MOV10: variants seen among roughly 807,000 people sequenced by gnomAD.
MOV10 encodes the protein RNA helicase MOV-10.
A neutral mutation model predicts 108.4 loss-of-function variants in MOV10; 39 were observed. The observed-to-expected ratio is 0.36, with a 90% CI of 0.28 to 0.47. MOV10 has a LOEUF of 0.47. Among genes scored for constraint, MOV10 ranks in the 20% least tolerant of loss-of-function variants. The probability of loss-of-function intolerance (pLI) is 1.00; values close to 1 mark genes in which losing one functional copy is unlikely to be tolerated. For missense variants in MOV10, 952 were observed against 1,297.6 expected, an observed-to-expected ratio of 0.73 and a Z score of 4.09; for synonymous variants, 490 against 523.1, an observed-to-expected ratio of 0.94 and a Z score of 0.86.
At chr1:112,688,611 A>C in intron 2 of MOV10, 1 of 1,230,804 alleles carries the variant, frequency 8.1e-7, no homozygotes, top group Non-Finnish European at 1.0e-6. Flanking sequence ...CCACAAAAAG[A>C]ACTTTATGTC....
intron 17 of MOV10, 126 bp downstream of exon 17, chr1:112,698,915 T>C (rs957237698): frequency 1.2e-6 from 1 of 800,926 alleles, no homozygotes; most frequent in Non-Finnish European, 2.2e-6. Context: ...TGAATAGAGC[T>C]CGAGCTCTCC....
intron 17 of MOV10, chr1:112,699,431 C>G: frequency 7.5e-7 from 1 of 1,333,534 alleles, no homozygotes; most frequent in Non-Finnish European, 9.6e-7. Context: ...TTCCCGTGTT[C>G]TTTGCAATGC....
chr1:112,674,604 G>T, upstream of MOV10: 2 of 248,984 alleles, frequency 8.0e-6, no homozygotes, highest in Middle Eastern at 1.3e-3. Flanking sequence ...TCTGATACTG[G>T]CTAGAAGCCA....
chr1:112,691,648 T>G lies in MOV10; in HGVS notation c.837-17T>G. 1 of 1,610,118 alleles carries G rather than the reference T, an allele frequency of 6.2e-7. No individual in the cohort carries two copies. The highest frequency in any genetic ancestry group is 8.5e-7 in the Non-Finnish European group (1 of 1,177,034). ...AGGGTGAGGGGTTTTCTGTGTTTTCTTCCCTCGATTCTGCAGCGCTAAGGG... is the reference window on the plus strand; with the variant it reads ...AGGGTGAGGGGTTTTCTGTGTTTTCGTCCCTCGATTCTGCAGCGCTAAGGG... On this transcript the variant is annotated splice_polypyrimidine_tract_variant and intron_variant, in intron 5 of 20. Coordinates refer to ENST00000369645, the MANE Select transcript of MOV10 (RefSeq NM_001321324.2).
intron 2 of MOV10, among the ~76,000 whole-genome samples, chr1:112,687,914 C>G (rs952414624): frequency 3.9e-5 from 6 of 152,318 alleles, no homozygotes; most frequent in African/African-American, 1.4e-4. Flanking sequence ...CTGCCCCTCC[C>G]TGCACATGTT....
At chr1:112,691,604 G>A (rs905768811) in intron 5 of MOV10, 61 bp from the exon 6 acceptor site, 58 of 1,579,838 alleles carry the variant, frequency 3.7e-5, no homozygotes, top group Non-Finnish European at 4.7e-5. Flanking sequence ...ACCCCAGAGG[G>A]GCGTTCTCAG....
At chr1:112,698,238 A>G (rs750872341) in intron 15 of MOV10, 49 bp from the exon 16 acceptor site, 14 of 1,601,048 alleles carry the variant, frequency 8.7e-6, no homozygotes, top group Non-Finnish European at 1.1e-5. Flanking sequence ...AAGGGAGGGA[A>G]TAGAGGGAGG....
chr1:112,676,327 G>C (rs778867913), intron 2 of MOV10, among the ~76,000 whole-genome samples: 31 of 152,198 alleles, frequency 2.0e-4, no homozygotes, highest in Admixed American at 1.3e-4. Context: ...AATGCTGGAG[G>C]AAAGAGCGAG....
Position 112,699,746 on chromosome 1 carries a change from G to A in MOV10, c.2645G>A (p.Arg882Gln), listed in dbSNP as rs747208248. 49 of 1,614,250 alleles carry A rather than the reference G, an allele frequency of 3.0e-5. No individual in the cohort carries two copies. Among genetic ancestry groups the A allele is most frequent in the Non-Finnish European group, 4.2e-5 (49 of 1,180,056 alleles). Reference sequence around the variant, plus strand: ...AGCGTCATCCTCATCTCCACCGTGCGAAGCAGCCAGAGCTTTGTGCAGCTG... The same window carrying A: ...AGCGTCATCCTCATCTCCACCGTGCAAAGCAGCCAGAGCTTTGTGCAGCTG... ...ERSVILISTV[R>Q]SSQSFVQLDL... is the part of the protein sequence containing the mutation. The change falls in exon 18 of 21, where the codon CGA becomes CAA. Residue 882 changes from arginine (R) to glutamine (Q), a missense_variant. Transcript: ENST00000369645.
intron 2 of MOV10, among the ~76,000 whole-genome samples, chr1:112,679,714 A>G (rs1672478303): frequency 1.3e-5 from 2 of 152,118 alleles, no homozygotes; most frequent in East Asian, 1.9e-4. Context: ...AAAGAAGGAA[A>G]GATCCTTGAC....
At chr1:112,700,388 A>C (rs374545782) in intron 20 of MOV10, 28 bp from the exon 21 acceptor site, 15 of 1,613,872 alleles carry the variant, frequency 9.3e-6, no homozygotes, top group Non-Finnish European at 1.3e-5. Flanking sequence ...GTGGTAAGGA[A>C]GACACAGTGT....
chr1:112,690,520 C>T (rs141029633), intron 5 of MOV10, among the ~76,000 whole-genome samples: 1,558 of 152,136 alleles, frequency 0.01, 11 homozygotes, highest in Middle Eastern at 0.027. Flanking sequence ...CTACAACACC[C>T]GGCTAATTTT....
At chr1:112,679,517 T>G (rs1304656724) in intron 2 of MOV10, among the ~76,000 whole-genome samples, 2 of 152,108 alleles carry the variant, frequency 1.3e-5, no homozygotes, top group African/African-American at 4.8e-5. Context: ...CTTAATTTTG[T>G]GGACTATGGA....
chr1:112,699,487 GA>G, intron 17 of MOV10, 197 bp from the exon 18 acceptor site: 9 of 1,429,694 alleles, frequency 6.3e-6, no homozygotes, highest in African/African-American at 1.4e-5. Flanking sequence ...CCCTCAGCAG[GA>G]TTCAACCTTC....
At chr1:112,699,647 C>T (rs1045421180) in intron 17 of MOV10, 38 bp from the exon 18 acceptor site, 4 of 1,613,584 alleles carry the variant, frequency 2.5e-6, no homozygotes, top group Non-Finnish European at 2.5e-6. Flanking sequence ...CCTTTGACAC[C>T]CCTGGCTGGT....
At position 112,691,797 on chromosome 1, in the gene MOV10, C is replaced by A; in HGVS notation, c.969C>A (p.Ile323=). Residue 323 remains isoleucine, a splice_region_variant and synonymous_variant, in exon 6 of 21, where the codon ATC becomes ATA. Transcript: ENST00000369645. ...CTGCCCCTAAGGAGATCGCAGAGAT[C>A]AAGTAAGTACCATCCCTCTGCACCC... ...IFTAPKEIAE[I]KAQLETALKW... 1 of 1,612,486 alleles carries A rather than the reference C, an allele frequency of 6.2e-7. No homozygotes were observed. The highest frequency in any genetic ancestry group is 8.5e-7 in the Non-Finnish European group (1 of 1,178,638).
At chr1:112,695,137 A>G (rs779184046) in intron 10 of MOV10, among the ~76,000 whole-genome samples, 26 of 152,226 alleles carry the variant, frequency 1.7e-4, no homozygotes, top group Non-Finnish European at 3.5e-4. Context: ...TATGAAAAAT[A>G]TGAAAAATAG....
intron 15 of MOV10, 64 bp downstream of exon 15, chr1:112,698,175 C>T (rs1259864456): frequency 5.7e-6 from 9 of 1,592,132 alleles, no homozygotes; most frequent in Non-Finnish European, 7.8e-6. Flanking sequence ...AAGGTGCAGC[C>T]CCTCCCTTTG....
At chr1:112,690,794 G>T (rs1007280551) in intron 5 of MOV10, among the ~76,000 whole-genome samples, 1 of 152,096 alleles carries the variant, frequency 6.6e-6, no homozygotes, top group African/African-American at 2.4e-5. Flanking sequence ...ATCGGTTTTA[G>T]AACATTTCAT....
Sources: allele counts gnomAD v4.1 joint callset (sites outside exome capture counted in the v4.1 genomes callset), GRCh38; gene constraint gnomAD v4.1.1; transcripts MANE v1.5; gene names NCBI Gene and HGNC (gene_info 2026-07-23, HGNC 2026-07-21).